Variants in LINGO2 observed in about 807,000 individuals in gnomAD.
The protein encoded by LINGO2 is leucine-rich repeat and immunoglobulin-like domain-containing nogo receptor-interacting protein 2.
LINGO2 carries 14 observed loss-of-function variants against 30.6 expected under a neutral mutation model. That is an observed-to-expected ratio of 0.46 (90% confidence interval 0.30 to 0.72). The LOEUF (loss-of-function observed/expected upper bound fraction) is 0.72. Ranked by LOEUF, LINGO2 falls within the 30% of genes least tolerant of loss-of-function variation. LINGO2 has a pLI of 0.07. For missense variants in LINGO2, 729 were observed against 751.7 expected (o/e 0.97, Z 0.35); for synonymous variants, 317 against 288.5 (o/e 1.10, Z -1.00).
chr9:29,011,784 T>C, the LINGO2 span, among the ~76,000 whole-genome samples: 1 of 152,152 alleles, frequency 6.6e-6, no homozygotes, highest in Non-Finnish European at 1.5e-5. Context: ...ACCCCGAATT[T>C]ATTAAAGAAG....
intron 5 of LINGO2, among the ~76,000 whole-genome samples, chr9:27,953,487 T>G (rs1819416496): frequency 6.6e-6 from 1 of 151,940 alleles, no homozygotes. Flanking sequence ...CACCCAAATC[T>G]CATCTGGAAT....
chr9:28,705,626 G>A, the LINGO2 span, among the ~76,000 whole-genome samples: 2 of 152,088 alleles, frequency 1.3e-5, no homozygotes. Context: ...ATCAGCAGGG[G>A]ATCTTTCCCT....
chr9:28,609,630 T>C (rs1825831696), intron 1 of LINGO2, among the ~76,000 whole-genome samples: 1 of 152,114 alleles, frequency 6.6e-6, no homozygotes, highest in African/African-American at 2.4e-5. Flanking sequence ...CTTACTTCAT[T>C]TTGAGATAAG....
intron 1 of LINGO2, among the ~76,000 whole-genome samples, chr9:28,564,278 G>C (rs1008866351): frequency 3.9e-5 from 6 of 152,158 alleles, no homozygotes; most frequent in South Asian, 2.1e-4. Context: ...AATCATTATA[G>C]GTAGTCTCCT....
chr9:28,582,331 A>G (rs1418342992), intron 1 of LINGO2, among the ~76,000 whole-genome samples: 1 of 152,116 alleles, frequency 6.6e-6, no homozygotes, highest in Non-Finnish European at 1.5e-5. Flanking sequence ...CAAATCTGAG[A>G]TAACTTCTAA....
chr9:29,012,344 C>G, the LINGO2 span, among the ~76,000 whole-genome samples: 1 of 149,448 alleles, frequency 6.7e-6, no homozygotes, highest in Non-Finnish European at 1.5e-5. Flanking sequence ...GGCGACCGAA[C>G]AAGATTCCAT....
the LINGO2 span, among the ~76,000 whole-genome samples, chr9:28,792,254 G>A: frequency 6.6e-6 from 1 of 151,898 alleles, no homozygotes; most frequent in African/African-American, 2.4e-5. Flanking sequence ...GAAAGAAGGT[G>A]AAAGATCTTC....
intron 1 of LINGO2, among the ~76,000 whole-genome samples, chr9:28,632,707 T>TAA (rs1827018986): frequency 7.2e-6 from 1 of 138,234 alleles, no homozygotes; most frequent in African/African-American, 2.7e-5. Flanking sequence ...GATCTATATA[T>TAA]TTATATATAG....
the LINGO2 span, among the ~76,000 whole-genome samples, chr9:28,909,675 T>C: frequency 0.041 from 6,221 of 152,074 alleles, 195 homozygotes; most frequent in Admixed American, 0.082. Flanking sequence ...TTAATTTACA[T>C]TCATTTCCTG....
At chr9:28,697,429 T>C in the LINGO2 span, among the ~76,000 whole-genome samples, 44,279 of 151,766 alleles carry the variant, frequency 0.29, 7,240 homozygotes, top group African/African-American at 0.45. Context: ...TAAAAACCCT[T>C]TATAAAAATT....
At chr9:28,500,948 A>G (rs1178053836) in intron 1 of LINGO2, among the ~76,000 whole-genome samples, 1 of 152,208 alleles carries the variant, frequency 6.6e-6, no homozygotes, top group Non-Finnish European at 1.5e-5. Context: ...AATGAATATA[A>G]CAGTACAATG....
the LINGO2 span, among the ~76,000 whole-genome samples, chr9:29,092,194 TAGAC>T: frequency 6.6e-6 from 1 of 152,084 alleles, no homozygotes; most frequent in African/African-American, 2.4e-5. Context: ...GAAACAGGCT[TAGAC>T]AGACTGAGCA....
the LINGO2 span, among the ~76,000 whole-genome samples, chr9:28,763,051 C>T: frequency 1.3e-5 from 2 of 152,060 alleles, no homozygotes; most frequent in Non-Finnish European, 2.9e-5. Flanking sequence ...GTGAAAACAA[C>T]CGAAGTCAAA....
chr9:28,393,720 A>G (rs548667493), intron 2 of LINGO2, among the ~76,000 whole-genome samples: 2 of 152,286 alleles, frequency 1.3e-5, no homozygotes, highest in South Asian at 2.1e-4. Context: ...CTGACTTCCA[A>G]CTTCCAGCAA....
chr9:29,095,126 T>C, the LINGO2 span, among the ~76,000 whole-genome samples: 2 of 138,718 alleles, frequency 1.4e-5, 1 homozygote, highest in African/African-American at 5.4e-5. Flanking sequence ...TTCATACTCA[T>C]TAATTTGAGT....
chr9:28,664,677 G>A (rs1191796421), intron 1 of LINGO2, among the ~76,000 whole-genome samples: 2 of 152,090 alleles, frequency 1.3e-5, no homozygotes, highest in East Asian at 1.9e-4. Flanking sequence ...TCTCCAATGA[G>A]ATCATCATAT....
chr9:28,204,611 C>T (rs1181095805), intron 4 of LINGO2, among the ~76,000 whole-genome samples: 2 of 152,076 alleles, frequency 1.3e-5, no homozygotes, highest in East Asian at 1.9e-4. Context: ...TTGATTGCCC[C>T]TCAGTTCCAG....
the LINGO2 span, among the ~76,000 whole-genome samples, chr9:28,809,331 T>C: frequency 6.6e-6 from 1 of 152,350 alleles, no homozygotes; most frequent in East Asian, 1.9e-4. Flanking sequence ...CTACAAATCA[T>C]GTCTCTTGCC....
chr9:28,413,440 C>T (rs1465473065), intron 2 of LINGO2, among the ~76,000 whole-genome samples: 1 of 152,008 alleles, frequency 6.6e-6, no homozygotes, highest in Non-Finnish European at 1.5e-5. Context: ...CACATGCAAA[C>T]GTAATTAAAG....
Sources: gnomAD v4.1 joint callset for allele counts (sites outside exome capture counted in the v4.1 genomes callset) on GRCh38, gnomAD v4.1.1 for gene constraint, MANE v1.5 for transcripts, NCBI Gene and HGNC (gene_info 2026-07-23, HGNC 2026-07-21) for gene names.